PPP2CB: variants seen among roughly 807,000 people sequenced by gnomAD.
PPP2CB encodes the protein protein phosphatase 2 catalytic subunit beta.
A neutral mutation model predicts 39.1 loss-of-function variants in PPP2CB; 18 were observed. That is an observed-to-expected ratio of 0.46 (90% confidence interval 0.32 to 0.68). The LOEUF (loss-of-function observed/expected upper bound fraction) is 0.68. PPP2CB is among the 30% of genes least tolerant of loss of function. The pLI is 0.04. For synonymous variants in PPP2CB, 129 were observed against 133.8 expected (o/e 0.96, Z 0.25); for missense variants, 226 against 396.9 (o/e 0.57, Z 3.66).
Position 30,786,318 on chromosome 8 carries a change from CA to C in PPP2CB, c.858-12del, listed in dbSNP as rs1479783207. Reference sequence around the variant, plus strand: ...GGGTCAAATTGAAGGCTGTAAATGGCAAAAAAGGAAGCAAATAAAGGATCTG... The same window carrying C: ...GGGTCAAATTGAAGGCTGTAAATGGCAAAAAGGAAGCAAATAAAGGATCTG... On this transcript the variant is annotated splice_polypyrimidine_tract_variant and intron_variant, in intron 6 of 6. Transcript: ENST00000221138. The C allele has an allele frequency of 4.5e-6, 7 of 1,559,276 alleles. No individual in the cohort carries two copies. The highest frequency in any genetic ancestry group is 2.0e-5 in the Admixed American group (1 of 51,114).
chr8:30,799,530 A>G lies in PPP2CB; in HGVS notation c.312+16T>C. 1 of 1,593,896 alleles carries G rather than the reference A, an allele frequency of 6.3e-7. No individual in the cohort carries two copies. Among genetic ancestry groups the G allele is most frequent in the Non-Finnish European group, 8.6e-7 (1 of 1,166,626 alleles). ...GTTTAAATCTTGAAAAAAAAATTGA[A>G]TTTCAATAATCATACCTTTAATGCT... On this transcript the variant is annotated intron_variant, in intron 2 of 6. Transcript: ENST00000221138.
At chr8:30,798,998 G>A (rs1278626835) in intron 2 of PPP2CB, among the ~76,000 whole-genome samples, 2 of 152,146 alleles carry the variant, frequency 1.3e-5, no homozygotes. Flanking sequence ...CCAACCGCTG[G>A]CAGGCAAAAA....
chr8:30,807,268 C>T (rs1378768150), intron 1 of PPP2CB, among the ~76,000 whole-genome samples: 1 of 152,198 alleles, frequency 6.6e-6, no homozygotes, highest in Non-Finnish European at 1.5e-5. Context: ...GTCAAGACCA[C>T]TATTTTTATT....
intron 1 of PPP2CB, among the ~76,000 whole-genome samples, chr8:30,806,210 G>A (rs1000034624): frequency 2.0e-5 from 3 of 151,162 alleles, no homozygotes; most frequent in Admixed American, 6.6e-5. Flanking sequence ...ACCACGCCTG[G>A]CTGATTTTTT....
intron 6 of PPP2CB, among the ~76,000 whole-genome samples, chr8:30,787,398 G>C (rs1806362066): frequency 6.6e-6 from 1 of 152,178 alleles, no homozygotes. Context: ...GGAGTGCAGT[G>C]GTGTGATCAT....
At chr8:30,811,512 T>C (rs1806826084) in intron 1 of PPP2CB, among the ~76,000 whole-genome samples, 1 of 151,106 alleles carries the variant, frequency 6.6e-6, no homozygotes, top group Non-Finnish European at 1.5e-5. Flanking sequence ...GCGATTTTTT[T>C]TTTTTTTTTT....
Position 30,812,343 on chromosome 8 carries a change from G to T in PPP2CB, c.79C>A (p.Gln27Lys), listed in dbSNP as rs1806851008. Residue 27 changes from glutamine to lysine, a missense_variant, in exon 1 of 7, where the codon CAA becomes AAA. Gln to Lys is a moderately conservative substitution (Grantham distance 53). This residue lies in a region of PPP2CB where 59 missense variants were observed against 42.6 expected (regional missense o/e 1.38). Coordinates refer to ENST00000221138, the MANE Select transcript of PPP2CB (RefSeq NM_001009552.2). ...ACCTTCTCGCACAGCGTCCGCACTT[G>T]GTTCTCGTTCAGCTGCTTACACTCG... ...LNECKQLNEN[Q>K]VRTLCEKAKE... 6.5e-7 allele frequency: 1 copy of T among 1,549,508 alleles called. No individual in the cohort carries two copies.
chr8:30,794,518 C>A, intron 3 of PPP2CB: 1 of 411,482 alleles, frequency 2.4e-6, no homozygotes, highest in Non-Finnish European at 4.2e-6. Context: ...TTTCTCTGGT[C>A]AATGGTATCC....
At chr8:30,791,773 AT>A (rs1563575201) in intron 5 of PPP2CB, among the ~76,000 whole-genome samples, 2 of 151,910 alleles carry the variant, frequency 1.3e-5, no homozygotes, top group African/African-American at 2.4e-5. Context: ...TATCTCATTC[AT>A]ATTATTAGCT....
chr8:30,800,166 C>A (rs1378788980), intron 1 of PPP2CB, among the ~76,000 whole-genome samples: 3 of 152,188 alleles, frequency 2.0e-5, no homozygotes, highest in African/African-American at 7.2e-5. Context: ...AGATATTGAT[C>A]AACCGATGAA....
In PPP2CB at chr8:30,812,762, G is replaced by A; in HGVS notation, c.-341C>T. ...CGCCGGACGAAGGCCGCCCGCTGCC[G>A]CTTCAGGCCCGCCTCACGCCTACCG... is the stretch of plus-strand genomic sequence containing the variant. On this transcript the variant is annotated 5_prime_UTR_variant, in exon 1 of 7. Coordinates refer to ENST00000221138, the MANE Select transcript of PPP2CB (RefSeq NM_001009552.2). 2.1e-6 allele frequency: 1 copy of A among 469,110 alleles called. No individual in the cohort carries two copies. Among genetic ancestry groups the A allele is most frequent in the Middle Eastern group, 3.3e-4 (1 of 3,042 alleles). The allele number at this position is 469,110 out of a possible 1,614,324, so 29.1% of individuals were successfully genotyped here. A position where few individuals can be genotyped will look rare whatever the true frequency, so the allele number is the denominator to read the frequency against.
chr8:30,807,468 G>C (rs1216745381), intron 1 of PPP2CB, among the ~76,000 whole-genome samples: 1 of 152,154 alleles, frequency 6.6e-6, no homozygotes, highest in East Asian at 1.9e-4. Flanking sequence ...CTAACGCCAG[G>C]ACTTAGAAAC....
At chr8:30,787,202 A>G (rs1272766837) in intron 6 of PPP2CB, among the ~76,000 whole-genome samples, 2 of 152,166 alleles carry the variant, frequency 1.3e-5, no homozygotes, top group Admixed American at 6.6e-5. Context: ...AAAATTTTAT[A>G]TCTGTATTCG....
chr8:30,805,232 T>A (rs1357661179), intron 1 of PPP2CB, among the ~76,000 whole-genome samples: 1 of 152,322 alleles, frequency 6.6e-6, no homozygotes, highest in East Asian at 1.9e-4. Context: ...GGAACTCTTT[T>A]AAACGAAGAT....
chr8:30,786,080 A>G lies in PPP2CB; in HGVS notation c.*155T>C. On this transcript the variant is annotated 3_prime_UTR_variant, in exon 7 of 7. Coordinates refer to ENST00000221138, the MANE Select transcript of PPP2CB (RefSeq NM_001009552.2). ...ATTGTGCTAAATGCTCATCATTAGT[A>G]TGGCACATTTGGTCCATGATGTGGT... is the stretch of plus-strand genomic sequence containing the variant. 1 of 717,422 alleles carries G rather than the reference A, an allele frequency of 1.4e-6. No homozygotes were observed. The highest frequency in any genetic ancestry group is 2.5e-6 in the Non-Finnish European group (1 of 401,650). 44.4% of individuals were successfully genotyped at this position (717,422 alleles called of 1,614,324 possible).
chr8:30,803,753 G>A (rs1806664197), intron 1 of PPP2CB, among the ~76,000 whole-genome samples: 1 of 145,820 alleles, frequency 6.9e-6, no homozygotes, highest in Non-Finnish European at 1.5e-5. Context: ...TAGAAAATAA[G>A]ACCTTAAACA....
intron 1 of PPP2CB, among the ~76,000 whole-genome samples, chr8:30,806,732 G>A (rs1341042521): frequency 3.9e-5 from 6 of 152,118 alleles, no homozygotes; most frequent in African/African-American, 1.4e-4. Context: ...TCGTACTGAA[G>A]AGAAAAGACT....
Position 30,794,017 on chromosome 8 carries a change from G to A in PPP2CB, c.638C>T (p.Pro213Leu). The A allele has an allele frequency of 6.2e-7, 1 of 1,613,082 alleles. No individual in the cohort carries two copies. The highest frequency in any genetic ancestry group is 8.5e-7 in the Non-Finnish European group (1 of 1,179,542). Residue 213 changes from proline to leucine, a missense_variant, in exon 5 of 7, where the codon CCA becomes CTA. Pro to Leu is a moderately conservative substitution (Grantham distance 98). Transcript: ENST00000221138. ...PDDRGGWGIS[P>L]RGAGYTFGQD... ...TCCAAATGTGTAGCCAGCACCACGT[G>A]GTGAAATACCCCATCCACCACGATC...
intron 3 of PPP2CB, among the ~76,000 whole-genome samples, chr8:30,796,613 T>C (rs2128761227): frequency 6.6e-6 from 1 of 152,178 alleles, no homozygotes; most frequent in South Asian, 2.1e-4. Flanking sequence ...GGTCTCGAAC[T>C]CCCTACCTCA....
Sources: gnomAD v4.1 joint callset for allele counts (sites outside exome capture counted in the v4.1 genomes callset) on GRCh38, gnomAD v4.1.1 for gene constraint, gnomAD v4.1.1 regional missense constraint, MANE v1.5 for transcripts, NCBI Gene and HGNC (gene_info 2026-07-23, HGNC 2026-07-21) for gene names.